ADCY2: variants seen among roughly 807,000 people sequenced by gnomAD.
ADCY2 encodes adenylate cyclase type 2.
A neutral mutation model predicts 125.2 loss-of-function variants in ADCY2; 31 were observed. The ratio of observed to expected loss-of-function variants is 0.25; its 90% CI spans 0.19 to 0.33. The LOEUF (loss-of-function observed/expected upper bound fraction) is 0.33. Among genes scored for constraint, ADCY2 ranks in the 10% least tolerant of loss-of-function variants. The pLI is 1.00. For synonymous variants in ADCY2, 512 were observed against 548.4 expected (o/e 0.93, Z 0.93); for missense variants, 904 against 1,418.2 (o/e 0.64, Z 5.82).
Position 7,772,916 on chromosome 5 carries a change from T to C in ADCY2, c.2215-16T>C. The C allele has an allele frequency of 6.2e-7, 1 of 1,612,926 alleles. No individual in the cohort carries two copies. The highest frequency in any genetic ancestry group is 1.3e-5 in the African/African-American group (1 of 75,008). ...AGAGATCCTAAGTATCTGTCTGGTG[T>C]CCTTCCCTGTTTCAGTACTTTATCT... On this transcript the variant is annotated splice_polypyrimidine_tract_variant and intron_variant, in intron 17 of 24. Transcript: ENST00000338316.
intron 2 of ADCY2, among the ~76,000 whole-genome samples, chr5:7,504,491 C>A (rs371310745): frequency 6.6e-6 from 1 of 152,126 alleles, no homozygotes. Context: ...TTTATATACA[C>A]CTATTAATAT....
At chr5:7,531,891 C>T (rs1466350088) in intron 3 of ADCY2, among the ~76,000 whole-genome samples, 1 of 152,216 alleles carries the variant, frequency 6.6e-6, no homozygotes, top group Non-Finnish European at 1.5e-5. Flanking sequence ...AACACGGATA[C>T]TAACACCCAC....
rs377206615 is a variant in ADCY2 at position 7,706,731 on chromosome 5, C to T, written c.1110-13C>T. 1.9e-5 allele frequency: 31 copies of T among 1,613,648 alleles called. No homozygotes were observed. The East Asian group carries it at 2.7e-4, about 14-fold the overall frequency. On this transcript the variant is annotated splice_polypyrimidine_tract_variant and intron_variant, in intron 7 of 24. Transcript: ENST00000338316. The stretch of plus-strand genomic sequence containing the variant: ...ATGTTACTTGATCATGATCTTACTT[C>T]CCTTCTCTTTAGGAAAGTGAGGGAT...
intron 11 of ADCY2, among the ~76,000 whole-genome samples, chr5:7,716,924 G>A (rs1488324264): frequency 7.9e-5 from 12 of 152,268 alleles, no homozygotes; most frequent in Admixed American, 2.0e-4. Context: ...ACAATGTACT[G>A]TGTAATTCAA....
chr5:7,489,794 G>A (rs1019674596), intron 2 of ADCY2, among the ~76,000 whole-genome samples: 1 of 152,158 alleles, frequency 6.6e-6, no homozygotes, highest in South Asian at 2.1e-4. Flanking sequence ...CTCTGCACTT[G>A]CCTTTGCTAT....
chr5:7,494,394 C>T (rs928160551), intron 2 of ADCY2, among the ~76,000 whole-genome samples: 1 of 152,126 alleles, frequency 6.6e-6, no homozygotes, highest in Non-Finnish European at 1.5e-5. Context: ...TTGGCTTCCC[C>T]TTCTCTCTCT....
intron 4 of ADCY2, among the ~76,000 whole-genome samples, chr5:7,628,509 A>G (rs1423255928): frequency 1.3e-5 from 2 of 152,212 alleles, no homozygotes; most frequent in African/African-American, 2.4e-5. Flanking sequence ...GAACTGAACC[A>G]TCATGGGAGA....
chr5:7,771,757 A>G (rs1743563921), intron 17 of ADCY2, among the ~76,000 whole-genome samples: 1 of 152,236 alleles, frequency 6.6e-6, no homozygotes, highest in Non-Finnish European at 1.5e-5. Flanking sequence ...GAAGAGCTCA[A>G]ATGACAAAAA....
chr5:7,407,832 C>CACAGAT (rs1739557385), intron 1 of ADCY2, among the ~76,000 whole-genome samples: 1 of 151,402 alleles, frequency 6.6e-6, no homozygotes, highest in African/African-American at 2.4e-5. Context: ...AAAATTCTGG[C>CACAGAT]ACAGATTCTG....
intron 1 of ADCY2, among the ~76,000 whole-genome samples, 178 bp from the exon 2 acceptor site, chr5:7,414,395 G>T (rs1305024662): frequency 6.6e-6 from 1 of 152,122 alleles, no homozygotes; most frequent in Non-Finnish European, 1.5e-5. Context: ...AGAAAAACAT[G>T]CTTATTTATT....
At chr5:7,473,964 C>G (rs1206108076) in intron 2 of ADCY2, among the ~76,000 whole-genome samples, 1 of 152,200 alleles carries the variant, frequency 6.6e-6, no homozygotes, top group Non-Finnish European at 1.5e-5. Flanking sequence ...GTGGCCCTGT[C>G]TTCCGTTTGT....
chr5:7,619,982 G>A (rs190733455), intron 3 of ADCY2, among the ~76,000 whole-genome samples: 12 of 152,272 alleles, frequency 7.9e-5, no homozygotes, highest in Admixed American at 2.0e-4. Context: ...TTAATTTGTA[G>A]GAGGAACTTT....
At chr5:7,420,509 G>T (rs904480054) in intron 2 of ADCY2, among the ~76,000 whole-genome samples, 2 of 152,068 alleles carry the variant, frequency 1.3e-5, no homozygotes, top group Non-Finnish European at 2.9e-5. Context: ...CAAGAGATTT[G>T]CCCTCACAGG....
At chr5:7,711,150 G>A (rs1234467861) in intron 10 of ADCY2, among the ~76,000 whole-genome samples, 2 of 152,294 alleles carry the variant, frequency 1.3e-5, no homozygotes, top group East Asian at 3.9e-4. Context: ...GAATGTGAAC[G>A]TGATCAGGTT....
At chr5:7,524,871 T>G (rs1734402936) in intron 3 of ADCY2, among the ~76,000 whole-genome samples, 1 of 152,202 alleles carries the variant, frequency 6.6e-6, no homozygotes, top group Non-Finnish European at 1.5e-5. Context: ...TAAGACATAT[T>G]TTGTGGAAAG....
intron 18 of ADCY2, among the ~76,000 whole-genome samples, chr5:7,781,306 A>G (rs944211713): frequency 3.9e-5 from 6 of 152,180 alleles, no homozygotes; most frequent in African/African-American, 1.4e-4. Context: ...CCAAAATAAG[A>G]TATAAAGCTT....
rs1744636040 is a variant in ADCY2, at chr5:7,802,718, T to A, written c.2775+354T>A. ...AATGAATTATAATAGACTATTGGTG[T>A]GTCTGTGCCTACTTCAATGCCTTTG... On this transcript the variant is annotated intron_variant, in intron 21 of 24. Coordinates refer to ENST00000338316, the MANE Select transcript of ADCY2 (RefSeq NM_020546.3). This position sits in a 1 kb window ranked among gnomAD's most constrained non-coding sequence, Gnocchi z 4.6. Among the ~76,000 whole-genome samples the A allele has an allele frequency of 6.6e-6, 1 of 152,226 alleles. No homozygotes were observed. The highest frequency in any genetic ancestry group is 6.5e-5 in the Admixed American group (1 of 15,290).
chr5:7,743,017 G>A (rs1742482530), intron 14 of ADCY2, among the ~76,000 whole-genome samples: 2 of 152,022 alleles, frequency 1.3e-5, no homozygotes, highest in South Asian at 4.1e-4. Context: ...GGACCTTTCG[G>A]ATATGTATAC....
intron 2 of ADCY2, among the ~76,000 whole-genome samples, chr5:7,458,210 GA>G (rs1451006274): frequency 3.9e-5 from 6 of 152,060 alleles, no homozygotes; most frequent in Non-Finnish European, 8.8e-5. Context: ...AAAAGAGTGG[GA>G]AAAATATATT....
Sources: allele counts gnomAD v4.1 joint callset (sites outside exome capture counted in the v4.1 genomes callset), GRCh38; gene constraint gnomAD v4.1.1; non-coding constraint Gnocchi (gnomAD v3.1); transcripts MANE v1.5; gene names NCBI Gene and HGNC (gene_info 2026-07-23, HGNC 2026-07-21).